Variants in RASGRF1 observed in about 807,000 individuals in gnomAD.
The protein encoded by RASGRF1 is Ras protein specific guanine nucleotide releasing factor 1.
A neutral mutation model predicts 138.7 loss-of-function variants in RASGRF1; 40 were observed. The observed-to-expected ratio is 0.29, with a 90% CI of 0.22 to 0.38. The LOEUF is 0.38. Among genes scored for constraint, RASGRF1 ranks in the 10% least tolerant of loss-of-function variants. The pLI is 1.00. For missense variants in RASGRF1, 1,108 were observed against 1,650.4 expected, an observed-to-expected ratio of 0.67 and a Z score of 5.69; for synonymous variants, 614 against 663.2, an observed-to-expected ratio of 0.93 and a Z score of 1.14.
chr15:79,050,946 T>C lies in RASGRF1; in HGVS notation c.532-1358A>G, dbSNP rs371261184. On this transcript the variant is annotated intron_variant, in intron 3 of 26. Transcript: ENST00000558480. The surrounding 1 kb of genome is among the most constrained non-coding windows in gnomAD (Gnocchi z 4.1). ...GGGATTGCAGCTGTTTCATTTATTG[T>C]GCTCCTGGTGCCTAGCGCAAGGTTG... Among the ~76,000 whole-genome samples, 56 of 152,350 alleles carry C rather than the reference T, an allele frequency of 3.7e-4. 1 individual carries two copies. The East Asian group carries it at 9.8e-3, about 27-fold the overall frequency.
chr15:78,979,787 C>T (rs191237049), intron 24 of RASGRF1, among the ~76,000 whole-genome samples: 7 of 152,238 alleles, frequency 4.6e-5, no homozygotes, highest in Admixed American at 6.5e-5. Flanking sequence ...GGCCTTGGAC[C>T]GTCCACGTGG....
Position 78,972,276 on chromosome 15 carries a change from A to G in RASGRF1, c.3613-342T>C, listed in dbSNP as rs371611816. On this transcript the variant is annotated intron_variant, in intron 25 of 26. Transcript: ENST00000558480. The stretch of plus-strand genomic sequence containing the variant: ...ACGCCCGGCTAATTTTTGTATTTTT[A>G]GTAGAGATGGGGTTTCACCATGTTG... 1.5e-4 allele frequency among the ~76,000 whole-genome samples: 23 copies of G among 151,984 alleles called. No individual in the cohort carries two copies. In the East Asian group the frequency reaches 4.5e-3, roughly 30 times the overall value.
Position 78,971,891 on chromosome 15 carries a change from G to A in RASGRF1, c.3656C>T (p.Ala1219Val). ...IREIRQFQQT[A>V]YKIEHQAKVT... ...CTTTGCTTGGTGCTCTATTTTGTAG[G>A]CAGTTTGTTGAAACTGGCGAATCTC... is the stretch of plus-strand genomic sequence containing the variant. The change falls in exon 26 of 27, where the codon GCC becomes GTC. Residue 1219 changes from alanine (A) to valine (V), a missense_variant. This residue lies in a region of RASGRF1 where 686 missense variants were observed against 976.7 expected (regional missense o/e 0.70). Coordinates refer to ENST00000558480, the MANE Select transcript of RASGRF1 (RefSeq NM_001145648.3). The A allele has an allele frequency of 4.4e-6, 7 of 1,589,526 alleles. No homozygotes were observed. Among genetic ancestry groups the A allele is most frequent in the Non-Finnish European group, 6.0e-6 (7 of 1,157,560 alleles).
intron 1 of RASGRF1, among the ~76,000 whole-genome samples, chr15:79,089,401 C>G (rs560554239): frequency 1.1e-4 from 16 of 152,362 alleles, no homozygotes; most frequent in Non-Finnish European, 2.1e-4. Flanking sequence ...ACCCCCACCC[C>G]GCCCGGGCTC....
rs189342790 is a variant in RASGRF1 at position 79,000,049 on chromosome 15, G to T, written c.2576-136C>A. The T allele has an allele frequency of 3.9e-4, 340 of 874,458 alleles. 1 individual carries two copies. The African/African-American group carries it at 5.5e-3, about 14-fold the overall frequency. The allele number at this position is 874,458 out of a possible 1,614,324, so 54.2% of individuals were successfully genotyped here. ...TCTTCAGGGTACCAGGGCATGTCGG[G>T]TGGTGCTGGTGTGTGTGTGTGTCTC... is the stretch of plus-strand genomic sequence containing the variant. On this transcript the variant is annotated intron_variant, in intron 16 of 26. Transcript: ENST00000558480.
intron 11 of RASGRF1, among the ~76,000 whole-genome samples, chr15:79,019,417 A>C (rs1408019541): frequency 6.6e-6 from 1 of 151,922 alleles, no homozygotes; most frequent in Non-Finnish European, 1.5e-5. Flanking sequence ...AGCACCAAGG[A>C]CTCTGCCCTC....
In RASGRF1 at chr15:79,073,851, A is replaced by C. The variant is rs958047922; in HGVS notation, c.277-9325T>G. Among the ~76,000 whole-genome samples the C allele has an allele frequency of 1.3e-5, 2 of 152,184 alleles. No homozygotes were observed. Among genetic ancestry groups the C allele is most frequent in the African/African-American group, 4.8e-5 (2 of 41,436 alleles). ...TCACCTTGGAATTTGTTAGGACTGT[A>C]AGTTCTTGGGCTCCACCCCAGACCT... On this transcript the variant is annotated intron_variant, in intron 1 of 26. Coordinates refer to ENST00000558480, the MANE Select transcript of RASGRF1 (RefSeq NM_001145648.3). This position sits in a 1 kb window ranked among gnomAD's most constrained non-coding sequence, Gnocchi z 4.2.
At chr15:79,009,882 A>G (rs564510014) in intron 13 of RASGRF1, among the ~76,000 whole-genome samples, 1 of 149,930 alleles carries the variant, frequency 6.7e-6, no homozygotes, top group Non-Finnish European at 1.5e-5. Context: ...CCACCACCAC[A>G]CCCAGCTAAT....
At chr15:78,966,237 T>C (rs2055642257) in intron 26 of RASGRF1, among the ~76,000 whole-genome samples, 1 of 150,184 alleles carries the variant, frequency 6.7e-6, no homozygotes. Flanking sequence ...TTTTTTTTTT[T>C]TTTTTTTTTT....
rs568406583 is a variant in RASGRF1, at chr15:79,002,250, G to A, written c.2450-463C>T. Among the ~76,000 whole-genome samples, 3 of 152,144 alleles carry A rather than the reference G, an allele frequency of 2.0e-5. No individual in the cohort carries two copies. In the East Asian group the frequency reaches 5.8e-4, roughly 29 times the overall value. On this transcript the variant is annotated intron_variant, in intron 15 of 26. Transcript: ENST00000558480. ...CTCTGCTTTTAACCTATTGCCGCGT[G>A]CCCCTGGTCACTCTTAAAATGTCCT...
chr15:78,982,523 A>G (rs1850118784), intron 23 of RASGRF1, among the ~76,000 whole-genome samples: 1 of 152,148 alleles, frequency 6.6e-6, no homozygotes, highest in African/African-American at 2.4e-5. Context: ...GTGATGCTCC[A>G]TGGGATACCA....
intron 10 of RASGRF1, among the ~76,000 whole-genome samples, chr15:79,024,950 C>T (rs2057024434): frequency 6.6e-6 from 1 of 151,850 alleles, no homozygotes; most frequent in African/African-American, 2.4e-5. Context: ...TACAAACACA[C>T]AGACACAAAA....
Position 79,005,276 on chromosome 15 carries a change from G to C in RASGRF1, c.2075+910C>G, listed in dbSNP as rs898117853. Reference sequence around the variant, plus strand: ...TGCTCTGGCAGCAGAGGTGTGGATTGGGGGAGGAATGGTGAGGTTCCTGGG... The same window carrying C: ...TGCTCTGGCAGCAGAGGTGTGGATTCGGGGAGGAATGGTGAGGTTCCTGGG... On this transcript the variant is annotated intron_variant, in intron 14 of 26. Transcript: ENST00000558480. 7 of 985,668 alleles carry C rather than the reference G, an allele frequency of 7.1e-6. No individual in the cohort carries two copies. In the East Asian group the frequency reaches 7.9e-4, roughly 112 times the overall value. 61.1% of individuals were successfully genotyped at this position (985,668 alleles called of 1,614,324 possible).
In RASGRF1 at chr15:79,027,670, G is replaced by A. The variant is rs893477714; in HGVS notation, c.1381+71C>T. 1.1e-5 allele frequency: 15 copies of A among 1,419,882 alleles called. No individual in the cohort carries two copies. Among genetic ancestry groups the A allele is most frequent in the Admixed American group, 1.8e-5 (1 of 56,358 alleles). The allele number at this position is 1,419,882 out of a possible 1,614,324, so 88.0% of individuals were successfully genotyped here. A position where few individuals can be genotyped will look rare whatever the true frequency, so the allele number is the denominator to read the frequency against. ...AGCCAAACCAACTGGTGGCGTCCCC[G>A]AGTGCCGCCTCCCTCCCGCTGCTGG... On this transcript the variant is annotated intron_variant, in intron 9 of 26. Transcript: ENST00000558480. The surrounding 1 kb of genome is among the most constrained non-coding windows in gnomAD (Gnocchi z 4.8).
chr15:79,024,483 T>G (rs1487145837), intron 10 of RASGRF1, among the ~76,000 whole-genome samples: 2 of 151,878 alleles, frequency 1.3e-5, no homozygotes, highest in African/African-American at 4.8e-5. Flanking sequence ...CATACTGATA[T>G]GGTTTGGCTG....
Position 79,058,478 on chromosome 15 carries a change from G to A in RASGRF1, c.387C>T (p.Tyr129=). The A allele has an allele frequency of 6.2e-7, 1 of 1,614,120 alleles. No individual in the cohort carries two copies. The highest frequency in any genetic ancestry group is 1.1e-5 in the South Asian group (1 of 91,078). Residue 129 remains tyrosine, a synonymous_variant, in exon 3 of 27, where the codon TAC becomes TAT. Coordinates refer to ENST00000558480, the MANE Select transcript of RASGRF1 (RefSeq NM_001145648.3). ...CCTCATGCTCTGTGGCGAGGGTCCT[G>A]TAGCTGTGGACAGATGGACATGGCA... ...EWVAAIAHAS[Y]RTLATEHEAL... is the part of the protein sequence containing the mutation.
intron 26 of RASGRF1, among the ~76,000 whole-genome samples, chr15:78,967,298 C>A (rs1316415129): frequency 3.9e-5 from 6 of 151,980 alleles, no homozygotes; most frequent in Non-Finnish European, 5.9e-5. Flanking sequence ...GTAATCCCAG[C>A]ACTTTGGGAG....
At chr15:78,994,932 T>C (rs2056358455) in intron 20 of RASGRF1, among the ~76,000 whole-genome samples, 1 of 151,096 alleles carries the variant, frequency 6.6e-6, no homozygotes, top group Admixed American at 6.6e-5. Flanking sequence ...GCACCTTTTT[T>C]TTTTTTTTTT....
chr15:78,969,154 C>T (rs532678459), intron 26 of RASGRF1, among the ~76,000 whole-genome samples: 8 of 152,248 alleles, frequency 5.3e-5, no homozygotes, highest in East Asian at 1.9e-4. Flanking sequence ...TTTTAACAAG[C>T]GTTCCAATCA....
Sources: gnomAD v4.1 joint callset for allele counts (sites outside exome capture counted in the v4.1 genomes callset) on GRCh38, gnomAD v4.1.1 for gene constraint, gnomAD v4.1.1 regional missense constraint, Gnocchi (gnomAD v3.1) non-coding constraint, MANE v1.5 for transcripts, NCBI Gene and HGNC (gene_info 2026-07-23, HGNC 2026-07-21) for gene names.